KCNMA1: variants seen among roughly 807,000 people sequenced by gnomAD.
The protein encoded by KCNMA1 is Calcium-activated potassium channel subunit alpha-1.
Under a neutral mutation model 140.0 loss-of-function variants are expected in KCNMA1, and 29 were observed. The observed-to-expected ratio is 0.21, with a 90% CI of 0.15 to 0.28. The LOEUF (loss-of-function observed/expected upper bound fraction) is 0.28, where lower values mean the gene tolerates loss of function less well. Among genes scored for constraint, KCNMA1 ranks in the 10% least tolerant of loss-of-function variants. KCNMA1 has a pLI of 1.00. For synonymous variants in KCNMA1, 612 were observed against 611.9 expected, an observed-to-expected ratio of 1.00 and a Z score of 0.00; for missense variants, 880 against 1,602.2, an observed-to-expected ratio of 0.55 and a Z score of 7.70.
At chr10:77,200,752 TA>T (rs1056278325) in intron 3 of KCNMA1, among the ~76,000 whole-genome samples, 3 of 152,050 alleles carry the variant, frequency 2.0e-5, no homozygotes, top group African/African-American at 4.8e-5. Context: ...GTACCTCAAA[TA>T]GGGGTACCTG....
At chr10:77,554,891 C>G (rs888288065) in intron 1 of KCNMA1, among the ~76,000 whole-genome samples, 1 of 152,122 alleles carries the variant, frequency 6.6e-6, no homozygotes, top group Non-Finnish European at 1.5e-5. Context: ...CAACATTACA[C>G]AAGGCAGGTG....
intron 1 of KCNMA1, among the ~76,000 whole-genome samples, chr10:77,629,344 T>G (rs919093309): frequency 1.3e-5 from 2 of 152,202 alleles, no homozygotes; most frequent in African/African-American, 4.8e-5. Context: ...CCTTGTTAGC[T>G]ACTGATCAAG....
intron 24 of KCNMA1, chr10:76,911,049 C>A (rs574311764): frequency 6.6e-6 from 1 of 151,922 alleles, no homozygotes; most frequent in Non-Finnish European, 1.5e-5. Flanking sequence ...GAGAAGGGGG[C>A]ACTCAAAATT....
chr10:76,935,667 T>C (rs554905445), intron 23 of KCNMA1, among the ~76,000 whole-genome samples: 1 of 152,294 alleles, frequency 6.6e-6, no homozygotes, highest in African/African-American at 2.4e-5. Context: ...ACACAAATTT[T>C]GAGGAGTAAA....
chr10:77,325,823 C>A (rs1251292905), intron 2 of KCNMA1, among the ~76,000 whole-genome samples: 2 of 152,126 alleles, frequency 1.3e-5, no homozygotes, highest in African/African-American at 4.8e-5. Flanking sequence ...GATGATCTGG[C>A]CAGGTCACTC....
intron 1 of KCNMA1, among the ~76,000 whole-genome samples, chr10:77,428,958 A>G (rs1322397370): frequency 6.6e-6 from 1 of 152,146 alleles, no homozygotes; most frequent in African/African-American, 2.4e-5. Flanking sequence ...AGGGGTGGAA[A>G]CAAGACCCAG....
Position 76,901,512 on chromosome 10 carries a change from T to C in KCNMA1, c.3147+8454A>G, listed in dbSNP as rs574042450. 4.6e-5 allele frequency: 7 copies of C among 152,350 alleles called. No individual in the cohort carries two copies. In the South Asian group the frequency reaches 1.2e-3, roughly 27 times the overall value. 9.4% of individuals were successfully genotyped at this position (152,350 alleles called of 1,614,324 possible). A position where few individuals can be genotyped will look rare whatever the true frequency, so the allele number is the denominator to read the frequency against. On this transcript the variant is annotated intron_variant, in intron 25 of 27. Transcript: ENST00000286628. ...AAATCTTTGGGATTTGACCCTAACA[T>C]GTTCCCACTTCTGTGTTGAAATCAG...
chr10:77,288,817 T>C (rs1408948853), intron 2 of KCNMA1, among the ~76,000 whole-genome samples: 1 of 152,236 alleles, frequency 6.6e-6, no homozygotes, highest in Non-Finnish European at 1.5e-5. Flanking sequence ...GATACTCGCA[T>C]TTTAACAAGC....
chr10:76,885,333 C>A lies in KCNMA1; in HGVS notation c.*1933G>T, dbSNP rs527612873. On this transcript the variant is annotated 3_prime_UTR_variant, in exon 28 of 28. Coordinates refer to ENST00000286628, the MANE Select transcript of KCNMA1 (RefSeq NM_001161352.2). ...GGGACAAAAATAATTTGAAAAAATT[C>A]TTCCACTCATAGGGCTTGATAATTT... 6 of 978,570 alleles carry A rather than the reference C, an allele frequency of 6.1e-6. No individual in the cohort carries two copies. In the African/African-American group the frequency reaches 1.1e-4, roughly 17 times the overall value. 60.6% of individuals were successfully genotyped at this position (978,570 alleles called of 1,614,324 possible).
chr10:77,419,482 A>C (rs1368558437), intron 1 of KCNMA1, among the ~76,000 whole-genome samples: 1 of 152,122 alleles, frequency 6.6e-6, no homozygotes, highest in Non-Finnish European at 1.5e-5. Context: ...TCTTACTAGA[A>C]GCTAGGCAGA....
intron 1 of KCNMA1, among the ~76,000 whole-genome samples, chr10:77,530,971 A>C (rs776041554): frequency 3.2e-4 from 49 of 152,190 alleles, no homozygotes; most frequent in Admixed American, 5.2e-4. Flanking sequence ...TCCCTCCTCA[A>C]AGCATCTTGC....
intron 20 of KCNMA1, among the ~76,000 whole-genome samples, chr10:76,956,690 T>A (rs1048957560): frequency 2.0e-5 from 3 of 152,028 alleles, no homozygotes; most frequent in Non-Finnish European, 4.4e-5. Flanking sequence ...AGGAAAAAAA[T>A]ATATATACAC....
intron 10 of KCNMA1, among the ~76,000 whole-genome samples, chr10:77,088,664 A>G (rs2096748952): frequency 6.6e-6 from 1 of 152,120 alleles, no homozygotes; most frequent in Admixed American, 6.5e-5. Context: ...CCTGAGCTCA[A>G]GTGATCTTCC....
chr10:77,302,509 G>C lies in KCNMA1; in HGVS notation c.541-51253C>G, dbSNP rs556747553. ...CCGGTGCAGATCTCACAGCTACCAT[G>C]ACTGTTTGTTCAGCCCCCACATTCT... On this transcript the variant is annotated intron_variant, in intron 2 of 27. Transcript: ENST00000286628. Among the ~76,000 whole-genome samples, 5 of 152,154 alleles carry C rather than the reference G, an allele frequency of 3.3e-5. No individual in the cohort carries two copies. The South Asian group carries it at 1.0e-3, about 32-fold the overall frequency.
intron 2 of KCNMA1, among the ~76,000 whole-genome samples, chr10:77,336,589 G>A (rs982268117): frequency 6.6e-5 from 10 of 152,162 alleles, no homozygotes; most frequent in Non-Finnish European, 1.5e-5. Flanking sequence ...AAAAGTCGAT[G>A]CACAAGATTA....
intron 2 of KCNMA1, among the ~76,000 whole-genome samples, chr10:77,332,469 C>G (rs909113278): frequency 3.3e-5 from 5 of 152,104 alleles, no homozygotes; most frequent in Non-Finnish European, 7.3e-5. Context: ...GCTGTTCTGC[C>G]CATGGATCAT....
intron 1 of KCNMA1, among the ~76,000 whole-genome samples, chr10:77,533,467 G>A (rs2154553353): frequency 6.6e-6 from 1 of 152,294 alleles, no homozygotes; most frequent in Non-Finnish European, 1.5e-5. Flanking sequence ...CAAACAAGAG[G>A]AAGGCAGGCA....
chr10:77,108,535 A>G lies in KCNMA1; in HGVS notation c.1169T>C (p.Leu390Ser). 6.2e-7 allele frequency: 1 copy of G among 1,613,908 alleles called. No homozygotes were observed. Among genetic ancestry groups the G allele is most frequent in the Non-Finnish European group, 8.5e-7 (1 of 1,179,950 alleles). ...CCCGTATTTCTTGCGGTTTCCTATT[A>G]ACTCTATGATTTCAGGGACGTAGCT... ...FASYVPEIIE[L>S]IGNRKKYGGS... The change falls in exon 9 of 28, where the codon TTA becomes TCA. Residue 390 changes from leucine to serine, a missense_variant. Leu to Ser is a moderately radical substitution (Grantham distance 145, BLOSUM62 -2). Transcript: ENST00000286628. The surrounding 1 kb of genome is among the most constrained non-coding windows in gnomAD (Gnocchi z 4.6).
intron 2 of KCNMA1, among the ~76,000 whole-genome samples, chr10:77,256,902 G>A (rs769870035): frequency 2.3e-4 from 35 of 152,066 alleles, no homozygotes; most frequent in African/African-American, 3.6e-4. Flanking sequence ...TCAGGAGTTC[G>A]AGACCAGCCT....
Sources: allele counts gnomAD v4.1 joint callset (sites outside exome capture counted in the v4.1 genomes callset), GRCh38; gene constraint gnomAD v4.1.1; non-coding constraint Gnocchi (gnomAD v3.1); transcripts MANE v1.5; gene names NCBI Gene and HGNC (gene_info 2026-07-23, HGNC 2026-07-21).